The following FAF1 variants were observed in gnomAD, a reference collection of about 807,000 sequenced individuals.
The protein encoded by FAF1 is Fas associated factor 1.
FAF1 carries 25 observed loss-of-function variants against 92.5 expected under a neutral mutation model. The observed-to-expected ratio is 0.27, with a 90% CI of 0.20 to 0.38. The LOEUF (loss-of-function observed/expected upper bound fraction) is 0.38, where lower values mean the gene tolerates loss of function less well. Ranked by LOEUF, FAF1 falls within the 10% of genes least tolerant of loss-of-function variation. FAF1 has a pLI of 1.00. For synonymous variants in FAF1, 234 were observed against 273.2 expected (o/e 0.86, Z 1.42); for missense variants, 636 against 793.3 (o/e 0.80, Z 2.38).
intron 1 of FAF1, among the ~76,000 whole-genome samples, chr1:50,865,669 C>T (rs1362580365): frequency 8.8e-6 from 1 of 113,004 alleles, no homozygotes; most frequent in Non-Finnish European, 1.8e-5. Context: ...AGGGGAACAT[C>T]ACACTCTGGG....
chr1:50,495,561 C>T (rs1288516634), intron 15 of FAF1, among the ~76,000 whole-genome samples: 2 of 152,196 alleles, frequency 1.3e-5, no homozygotes, highest in Non-Finnish European at 2.9e-5. Flanking sequence ...AACAATGCTG[C>T]AACAAATATG....
chr1:50,649,137 A>T (rs1016669640), intron 8 of FAF1, among the ~76,000 whole-genome samples: 1 of 149,864 alleles, frequency 6.7e-6, no homozygotes, highest in African/African-American at 2.5e-5. Context: ...TGCAGTTTTC[A>T]TTTTATGTAT....
At chr1:50,448,985 G>A (rs1646262084) in intron 18 of FAF1, among the ~76,000 whole-genome samples, 1 of 147,550 alleles carries the variant, frequency 6.8e-6, no homozygotes, top group Non-Finnish European at 1.5e-5. Flanking sequence ...ATTAAAAGAT[G>A]GGAAAATCAA....
chr1:50,665,077 T>C (rs2124323491), intron 7 of FAF1, among the ~76,000 whole-genome samples: 1 of 152,306 alleles, frequency 6.6e-6, no homozygotes, highest in East Asian at 1.9e-4. Context: ...CATTTAAAAA[T>C]CAAGTAAATT....
At chr1:50,505,649 A>G (rs1345783775) in intron 15 of FAF1, among the ~76,000 whole-genome samples, 1 of 152,212 alleles carries the variant, frequency 6.6e-6, no homozygotes, top group Non-Finnish European at 1.5e-5. Flanking sequence ...ACTTTATTGA[A>G]ACATGGCTAT....
At chr1:50,442,789 A>T (rs1646185012) in intron 18 of FAF1, among the ~76,000 whole-genome samples, 1 of 152,174 alleles carries the variant, frequency 6.6e-6, no homozygotes, top group Admixed American at 6.5e-5. Flanking sequence ...GGGGAAGGGG[A>T]AACTATCTTC....
At chr1:50,802,377 A>C (rs1021501772) in intron 2 of FAF1, among the ~76,000 whole-genome samples, 5 of 152,222 alleles carry the variant, frequency 3.3e-5, no homozygotes, top group African/African-American at 1.2e-4. Flanking sequence ...GGCATGAGCC[A>C]CCGCGCCCGG....
At chr1:50,581,083 C>A (rs964230543) in intron 12 of FAF1, among the ~76,000 whole-genome samples, 2 of 152,166 alleles carry the variant, frequency 1.3e-5, no homozygotes, top group Non-Finnish European at 2.9e-5. Flanking sequence ...CCAGTATTTT[C>A]CATAAACCTA....
chr1:50,785,599 TG>T (rs1661332029), intron 4 of FAF1, among the ~76,000 whole-genome samples: 1 of 149,014 alleles, frequency 6.7e-6, no homozygotes, highest in African/African-American at 2.5e-5. Flanking sequence ...TCTTTTAGGA[TG>T]GCTACTATAC....
At chr1:50,677,821 G>A (rs566149375) in intron 7 of FAF1, among the ~76,000 whole-genome samples, 2 of 150,340 alleles carry the variant, frequency 1.3e-5, no homozygotes, top group East Asian at 2.0e-4. Flanking sequence ...CTTGAACCCA[G>A]GAGGCGGAGG....
chr1:50,754,782 G>A (rs1660008582), intron 4 of FAF1, among the ~76,000 whole-genome samples: 1 of 152,124 alleles, frequency 6.6e-6, no homozygotes, highest in African/African-American at 2.4e-5. Context: ...CCAAATGGTT[G>A]GGGAGGCCCT....
At chr1:50,555,924 T>C (rs551132852) in intron 13 of FAF1, among the ~76,000 whole-genome samples, 4 of 151,712 alleles carry the variant, frequency 2.6e-5, no homozygotes, top group African/African-American at 9.7e-5. Flanking sequence ...ATATATAAAA[T>C]TAGGTGTGTG....
intron 4 of FAF1, among the ~76,000 whole-genome samples, chr1:50,760,487 C>T (rs1363257675): frequency 6.6e-6 from 1 of 152,166 alleles, no homozygotes; most frequent in Non-Finnish European, 1.5e-5. Flanking sequence ...AACAAACTGT[C>T]TCTCAGACCA....
At chr1:50,694,567 A>C (rs188870003) in intron 7 of FAF1, among the ~76,000 whole-genome samples, 22 of 151,180 alleles carry the variant, frequency 1.5e-4, no homozygotes, top group East Asian at 1.2e-3. Context: ...AAAAAAAAAA[A>C]CCCACAAAGG....
intron 2 of FAF1, among the ~76,000 whole-genome samples, chr1:50,834,004 C>T (rs1644178454): frequency 6.6e-6 from 1 of 152,212 alleles, no homozygotes; most frequent in Admixed American, 6.5e-5. Context: ...AATCTCATGT[C>T]AAATTGTAAT....
chr1:50,862,377 A>C (rs903902687), intron 1 of FAF1, among the ~76,000 whole-genome samples: 13 of 151,898 alleles, frequency 8.6e-5, no homozygotes, highest in Non-Finnish European at 1.8e-4. Flanking sequence ...AAGTGTCAAA[A>C]ATAGAGAACG....
At chr1:50,457,871 A>C (rs1037783009) in intron 18 of FAF1, among the ~76,000 whole-genome samples, 37 of 151,310 alleles carry the variant, frequency 2.4e-4, no homozygotes, top group East Asian at 7.8e-4. Flanking sequence ...TCTCCAAAAA[A>C]AAAAAAAAAA....
At chr1:50,883,850 C>T (rs539464888) in intron 1 of FAF1, among the ~76,000 whole-genome samples, 2 of 152,234 alleles carry the variant, frequency 1.3e-5, no homozygotes, top group South Asian at 2.1e-4. Flanking sequence ...TTAGGCCAGG[C>T]GCAGTGGCTC....
intron 1 of FAF1, among the ~76,000 whole-genome samples, chr1:50,873,746 G>A (rs780478999): frequency 6.6e-6 from 1 of 152,170 alleles, no homozygotes; most frequent in Non-Finnish European, 1.5e-5. Flanking sequence ...AAGGGCTCTC[G>A]GCACACTGCC....
Sources: gnomAD v4.1 joint callset for allele counts (sites outside exome capture counted in the v4.1 genomes callset) on GRCh38, gnomAD v4.1.1 for gene constraint, MANE v1.5 for transcripts, NCBI Gene and HGNC (gene_info 2026-07-23, HGNC 2026-07-21) for gene names.